LGSN: variants seen among roughly 807,000 people sequenced by gnomAD.
The protein encoded by LGSN is lengsin.
A neutral mutation model predicts 19.5 loss-of-function variants in LGSN; 21 were observed. That is an observed-to-expected ratio of 1.07 (90% CI 0.76 to 1.55). The LOEUF (loss-of-function observed/expected upper bound fraction) is 1.55. LGSN is among the 40% of genes most tolerant of loss of function. The pLI, the probability that LGSN is intolerant of heterozygous loss-of-function variation, is 0.00. For missense variants in LGSN, 673 were observed against 608.5 expected (o/e 1.11, Z -1.12); for synonymous variants, 257 against 215.6 (o/e 1.19, Z -1.68).
chr6:63,304,854 G>A (rs1289225376), intron 1 of LGSN, among the ~76,000 whole-genome samples: 1 of 152,176 alleles, frequency 6.6e-6, no homozygotes, highest in East Asian at 1.9e-4. Context: ...AGAAATGCCT[G>A]ATCGTGAAGA....
Position 63,319,951 on chromosome 6 carries a change from C to A in LGSN, c.-8G>T. On this transcript the variant is annotated 5_prime_UTR_variant, in exon 1 of 4. Transcript: ENST00000370657. ...GTCCTCTTCATTATTCATCTCAACA[C>A]TTTTTAAGTTCAGCGTTAGAAACCA... The A allele has an allele frequency of 5.0e-6, 8 of 1,606,972 alleles. No homozygotes were observed. The highest frequency in any genetic ancestry group is 6.8e-6 in the Non-Finnish European group (8 of 1,173,706).
chr6:63,317,699 G>A (rs1304083720), intron 1 of LGSN, among the ~76,000 whole-genome samples: 1 of 152,138 alleles, frequency 6.6e-6, no homozygotes, highest in Non-Finnish European at 1.5e-5. Flanking sequence ...GCCTCTTGAA[G>A]CAAGCCTCTA....
intron 1 of LGSN, among the ~76,000 whole-genome samples, chr6:63,302,613 C>T (rs1281900310): frequency 1.3e-5 from 2 of 152,198 alleles, no homozygotes; most frequent in Non-Finnish European, 2.9e-5. Context: ...CATGCTAGAT[C>T]AGCCAGTACT....
the LGSN span, among the ~76,000 whole-genome samples, chr6:63,490,083 A>G: frequency 6.6e-6 from 1 of 152,214 alleles, no homozygotes; most frequent in Non-Finnish European, 1.5e-5. Flanking sequence ...ATTTCATTGA[A>G]TTTACTCTAT....
At chr6:63,519,707 T>G in the LGSN span, among the ~76,000 whole-genome samples, 1 of 152,238 alleles carries the variant, frequency 6.6e-6, no homozygotes, top group East Asian at 1.9e-4. Flanking sequence ...AGAAAAGGTA[T>G]TAAGCAATTC....
chr6:63,478,165 C>T, the LGSN span, among the ~76,000 whole-genome samples: 1 of 152,056 alleles, frequency 6.6e-6, no homozygotes, highest in Non-Finnish European at 1.5e-5. Context: ...ACTGAACCTA[C>T]CTAAATTTGA....
chr6:63,454,093 T>C, the LGSN span, among the ~76,000 whole-genome samples: 1 of 152,234 alleles, frequency 6.6e-6, no homozygotes, highest in Non-Finnish European at 1.5e-5. Flanking sequence ...CCAGAGCTTT[T>C]AGTGTTCTCC....
At chr6:63,479,826 G>A in the LGSN span, among the ~76,000 whole-genome samples, 1 of 152,242 alleles carries the variant, frequency 6.6e-6, no homozygotes, top group East Asian at 1.9e-4. Flanking sequence ...TAATTGATTT[G>A]GCCATACTTA....
At chr6:63,308,774 A>G (rs1416867846) in intron 1 of LGSN, among the ~76,000 whole-genome samples, 1 of 152,236 alleles carries the variant, frequency 6.6e-6, no homozygotes, top group African/African-American at 2.4e-5. Context: ...TGTTAGAAAT[A>G]GTGGAAAAAG....
chr6:63,487,860 A>C, the LGSN span, among the ~76,000 whole-genome samples: 1 of 152,084 alleles, frequency 6.6e-6, no homozygotes, highest in East Asian at 1.9e-4. Flanking sequence ...GGGCACCTGT[A>C]ATTCCAGCTA....
At chr6:63,338,436 T>C in the LGSN span, among the ~76,000 whole-genome samples, 5 of 152,180 alleles carry the variant, frequency 3.3e-5, no homozygotes, top group African/African-American at 1.2e-4. Context: ...TAGTAGGTTA[T>C]ATATGTTCAG....
chr6:63,458,570 G>A, the LGSN span, among the ~76,000 whole-genome samples: 2 of 151,994 alleles, frequency 1.3e-5, no homozygotes, highest in African/African-American at 4.8e-5. Context: ...TGAAGATCTC[G>A]GTCCTAGGAC....
At chr6:63,412,722 A>AAGGAAGGAAGGAAG in the LGSN span, among the ~76,000 whole-genome samples, 5 of 37,996 alleles carry the variant, frequency 1.3e-4, no homozygotes, top group African/African-American at 6.2e-4. Flanking sequence ...AAGGAAGGAA[A>AAGGAAGGAAGGAAG]GAAAGAAAGA....
chr6:63,378,330 C>T, the LGSN span, among the ~76,000 whole-genome samples: 7 of 152,114 alleles, frequency 4.6e-5, no homozygotes, highest in African/African-American at 1.4e-4. Flanking sequence ...CACTTCTACC[C>T]ACAGCCTATT....
At chr6:63,364,492 C>G in the LGSN span, among the ~76,000 whole-genome samples, 1 of 152,154 alleles carries the variant, frequency 6.6e-6, no homozygotes, top group South Asian at 2.1e-4. Flanking sequence ...TAATGGGAGA[C>G]TTTAACACCC....
At chr6:63,318,723 G>A (rs1768965844) in intron 1 of LGSN, among the ~76,000 whole-genome samples, 1 of 152,092 alleles carries the variant, frequency 6.6e-6, no homozygotes, top group Non-Finnish European at 1.5e-5. Context: ...GGACTTTCAT[G>A]GGAGCTGTAT....
chr6:63,330,582 AT>A, the LGSN span, among the ~76,000 whole-genome samples: 1 of 152,068 alleles, frequency 6.6e-6, no homozygotes, highest in East Asian at 1.9e-4. Flanking sequence ...AGGCAGAAGG[AT>A]TTTCTTCCTT....
At chr6:63,502,843 G>T in the LGSN span, among the ~76,000 whole-genome samples, 4 of 152,122 alleles carry the variant, frequency 2.6e-5, no homozygotes, top group African/African-American at 9.7e-5. Context: ...TACAGACTTA[G>T]CCAGAAAAGT....
chr6:63,388,748 C>T, the LGSN span, among the ~76,000 whole-genome samples: 2 of 152,248 alleles, frequency 1.3e-5, no homozygotes, highest in East Asian at 1.9e-4. Context: ...CTAGAAATAA[C>T]GTAAATAATG....
Sources: gnomAD v4.1 joint callset for allele counts (sites outside exome capture counted in the v4.1 genomes callset) on GRCh38, gnomAD v4.1.1 for gene constraint, MANE v1.5 for transcripts, NCBI Gene and HGNC (gene_info 2026-07-23, HGNC 2026-07-21) for gene names.